Variants in TBL1X observed in about 807,000 individuals in gnomAD.
TBL1X encodes the protein F-box-like/WD repeat-containing protein TBL1X.
TBL1X carries 10 observed loss-of-function variants against 50.7 expected under a neutral mutation model. The ratio of observed to expected loss-of-function variants is 0.20; its 90% confidence interval spans 0.12 to 0.33. The LOEUF is 0.33. Ranked by LOEUF, TBL1X falls within the 10% of genes least tolerant of loss-of-function variation. The pLI is 1.00. For missense variants in TBL1X, 340 were observed against 504.4 expected (o/e 0.67, Z 3.12); for synonymous variants, 190 against 214.7 (o/e 0.88, Z 1.01).
At chrX:9,670,994 A>G (rs1200805760) in intron 5 of TBL1X, among the ~76,000 whole-genome samples, 2 of 112,254 alleles carry the variant, frequency 1.8e-5, no homozygotes, top group African/African-American at 6.5e-5. Context: ...TGTCCACATT[A>G]GTAGAGGATG....
At chrX:9,518,098 C>CA (rs58522206) in intron 2 of TBL1X, among the ~76,000 whole-genome samples, 1,018 of 68,121 alleles carry the variant, frequency 0.015, 13 homozygotes, top group African/African-American at 0.028. Flanking sequence ...GATCCTCTCT[C>CA]AAAAAAAAAA....
chrX:9,610,679 C>T (rs779300386), intron 2 of TBL1X, among the ~76,000 whole-genome samples: 27 of 112,345 alleles, frequency 2.4e-4, no homozygotes, highest in Non-Finnish European at 4.3e-4. Flanking sequence ...CTAATGTCAA[C>T]TCCAGTTCTT....
At chrX:9,660,265 G>A (rs1448634462) in intron 5 of TBL1X, among the ~76,000 whole-genome samples, 1 of 112,676 alleles carries the variant, frequency 8.9e-6, no homozygotes, top group Non-Finnish European at 1.9e-5. Flanking sequence ...CCAGGAACAG[G>A]CAGACAAGTT....
chrX:9,520,248 G>A (rs768527071), intron 2 of TBL1X, among the ~76,000 whole-genome samples: 1 of 112,172 alleles, frequency 8.9e-6, no homozygotes, highest in East Asian at 2.8e-4. Context: ...CTTTGGTGCT[G>A]GATTTAGCGG....
rs894759403 is a variant in TBL1X at position 9,714,843 on chromosome X, C to T, written c.1606-59C>T. ...CAGGGCCGGAGGAGCGCACATTCCACACCTGCATCTGTCGCAGGCGCCCCT... is the reference window on the plus strand; with the variant it reads ...CAGGGCCGGAGGAGCGCACATTCCATACCTGCATCTGTCGCAGGCGCCCCT... On this transcript the variant is annotated intron_variant, in intron 16 of 17. Coordinates refer to ENST00000645353, the MANE Select transcript of TBL1X (RefSeq NM_005647.4). 110 of 1,087,047 alleles carry T rather than the reference C, an allele frequency of 1.0e-4. No individual in the cohort carries two copies. The African/African-American group carries it at 1.8e-3, about 18-fold the overall frequency. The allele number at this position is 1,087,047 out of a possible 1,213,427, so 89.6% of individuals were successfully genotyped here.
chrX:9,561,837 G>A lies in TBL1X; in HGVS notation c.-131+59988G>A, dbSNP rs765847232. ...AGCATATTTAATTGCTTTCCTGAAGGGATTTGCTGGCTGTTTTGTTAAATG... is the reference window on the plus strand; with the variant it reads ...AGCATATTTAATTGCTTTCCTGAAGAGATTTGCTGGCTGTTTTGTTAAATG... On this transcript the variant is annotated intron_variant, in intron 2 of 17. Transcript: ENST00000645353. Among the ~76,000 whole-genome samples the A allele has an allele frequency of 4.5e-5, 5 of 111,830 alleles. No individual in the cohort carries two copies. The South Asian group carries it at 1.9e-3, about 42-fold the overall frequency.
intron 5 of TBL1X, among the ~76,000 whole-genome samples, chrX:9,677,323 T>C (rs1307960183): frequency 9.0e-6 from 1 of 110,600 alleles, no homozygotes; most frequent in Non-Finnish European, 1.9e-5. Context: ...AAGGAAGTGC[T>C]ACATATACGT....
At chrX:9,654,703 C>T in intron 5 of TBL1X, among the ~76,000 whole-genome samples, 1 of 111,675 alleles carries the variant, frequency 9.0e-6, no homozygotes, top group Non-Finnish European at 1.9e-5. Flanking sequence ...GCCTCCCCTA[C>T]TCCCCGCCCC....
At chrX:9,534,127 A>T (rs775707988) in intron 2 of TBL1X, among the ~76,000 whole-genome samples, 1 of 111,665 alleles carries the variant, frequency 9.0e-6, no homozygotes, top group African/African-American at 3.3e-5. Flanking sequence ...GTCTGATCCC[A>T]CTAAAGACTA....
At chrX:9,577,124 C>T (rs756714711) in intron 2 of TBL1X, among the ~76,000 whole-genome samples, 2 of 111,873 alleles carry the variant, frequency 1.8e-5, no homozygotes. Flanking sequence ...ATCAATTAGT[C>T]TTTTCCTGAT....
intron 1 of TBL1X, among the ~76,000 whole-genome samples, chrX:9,467,952 G>A (rs1304874557): frequency 8.9e-6 from 1 of 112,608 alleles, no homozygotes; most frequent in African/African-American, 3.2e-5. Context: ...GCCAGCGGGA[G>A]CCTGACTTCA....
At chrX:9,502,305 T>C (rs978224165) in intron 2 of TBL1X, among the ~76,000 whole-genome samples, 2 of 112,591 alleles carry the variant, frequency 1.8e-5, no homozygotes, top group African/African-American at 3.2e-5. Context: ...ACACTTGTCT[T>C]GCTCAAGACC....
intron 5 of TBL1X, among the ~76,000 whole-genome samples, chrX:9,662,510 A>T (rs1332241433): frequency 2.7e-5 from 3 of 112,235 alleles, no homozygotes; most frequent in Non-Finnish European, 5.6e-5. Context: ...TACCTCGAGG[A>T]GTCTAATCCA....
chrX:9,643,571 C>A (rs1419532957), intron 3 of TBL1X, among the ~76,000 whole-genome samples: 1 of 111,349 alleles, frequency 9.0e-6, no homozygotes, highest in Admixed American at 9.6e-5. Context: ...TTGATATAGG[C>A]CAGGCACGGT....
intron 1 of TBL1X, among the ~76,000 whole-genome samples, chrX:9,500,977 C>T (rs1480551503): frequency 8.9e-6 from 1 of 111,886 alleles, no homozygotes; most frequent in Non-Finnish European, 1.9e-5. Context: ...GGCCTCACAA[C>T]AACCAAGACC....
chrX:9,476,759 A>G (rs1432124367), intron 1 of TBL1X, among the ~76,000 whole-genome samples: 1 of 48,252 alleles, frequency 2.1e-5, no homozygotes, highest in Admixed American at 2.9e-4. Flanking sequence ...CATAATTTAT[A>G]TCAATGAAGA....
At chrX:9,545,301 C>T (rs981523134) in intron 2 of TBL1X, among the ~76,000 whole-genome samples, 5 of 110,773 alleles carry the variant, frequency 4.5e-5, no homozygotes, top group Non-Finnish European at 9.4e-5. Context: ...CAGCACTTTG[C>T]GGGGCTGAGG....
intron 2 of TBL1X, among the ~76,000 whole-genome samples, chrX:9,588,553 G>GTC (rs1319528763): frequency 9.0e-6 from 1 of 110,565 alleles, no homozygotes; most frequent in Non-Finnish European, 1.9e-5. Context: ...TACTGATCCT[G>GTC]TCTCTCTCTC....
intron 9 of TBL1X, among the ~76,000 whole-genome samples, chrX:9,692,677 G>A (rs1265375685): frequency 3.5e-5 from 4 of 112,906 alleles, no homozygotes; most frequent in Non-Finnish European, 7.5e-5. Flanking sequence ...CAAAGTGCTG[G>A]GATTATAGGC....
Sources: gnomAD v4.1 joint callset for allele counts (sites outside exome capture counted in the v4.1 genomes callset) on GRCh38, gnomAD v4.1.1 for gene constraint, MANE v1.5 for transcripts, NCBI Gene and HGNC (gene_info 2026-07-23, HGNC 2026-07-21) for gene names.